The following CHD1 variants were observed in gnomAD, a reference collection of about 807,000 sequenced individuals.
CHD1 encodes the protein chromodomain helicase DNA binding protein 1, also known as ATP-dependent chromatin remodeler CHD1.
A neutral mutation model predicts 224.2 loss-of-function variants in CHD1; 36 were observed. The observed-to-expected ratio is 0.16, with a 90% confidence interval of 0.12 to 0.21. The LOEUF (loss-of-function observed/expected upper bound fraction) is 0.21. Among genes scored for constraint, CHD1 ranks in the 10% least tolerant of loss-of-function variants. The probability of loss-of-function intolerance (pLI) is 1.00; values close to 1 mark genes in which losing one functional copy is unlikely to be tolerated. For missense variants in CHD1, 1,378 were observed against 1,994.8 expected (o/e 0.69, Z 5.89); for synonymous variants, 668 against 658.3 (o/e 1.01, Z -0.23).
chr5:98,884,377 A>T (rs1750488198), intron 18 of CHD1, among the ~76,000 whole-genome samples: 1 of 151,928 alleles, frequency 6.6e-6, no homozygotes. Context: ...CCCAGCCTGG[A>T]GACTACTATT....
chr5:98,911,566 C>G (rs998070803), intron 2 of CHD1, among the ~76,000 whole-genome samples: 1 of 152,128 alleles, frequency 6.6e-6, no homozygotes, highest in Non-Finnish European at 1.5e-5. Flanking sequence ...TTAGAAATCA[C>G]AGTGGAGAAA....
At chr5:98,900,105 AC>A (rs1364366685) in intron 7 of CHD1, among the ~76,000 whole-genome samples, 1 of 151,842 alleles carries the variant, frequency 6.6e-6, no homozygotes, top group East Asian at 2.0e-4. Context: ...ACACGGTGAA[AC>A]CCCATCTCTG....
At chr5:98,876,603 T>G (rs1749780909) in intron 23 of CHD1, 45 bp from the exon 24 acceptor site, 1 of 1,540,516 alleles carries the variant, frequency 6.5e-7, no homozygotes, top group East Asian at 2.3e-5. Flanking sequence ...AAAAACAGCT[T>G]GTATCTTAAG....
At chr5:98,884,904 A>C (rs1348111737) in intron 18 of CHD1, among the ~76,000 whole-genome samples, 2 of 149,538 alleles carry the variant, frequency 1.3e-5, no homozygotes, top group Admixed American at 1.3e-4. Context: ...TTTTATTTTT[A>C]TTTTTTTTTG....
chr5:98,887,757 A>T (rs1750747640), intron 17 of CHD1, among the ~76,000 whole-genome samples: 1 of 152,168 alleles, frequency 6.6e-6, no homozygotes, highest in South Asian at 2.1e-4. Context: ...TTCAGATTGA[A>T]GACTAAAGGC....
rs975345844 is a variant in CHD1, at chr5:98,928,736, G to C, written c.-346C>G. 1 of 154,054 alleles carries C rather than the reference G, an allele frequency of 6.5e-6. No homozygotes were observed. The highest frequency in any genetic ancestry group is 1.5e-5 in the Non-Finnish European group (1 of 68,790). The allele number at this position is 154,054 out of a possible 1,614,324, so 9.5% of individuals were successfully genotyped here. ...GCAGCACCAACGCGCGATCCCCTGC[G>C]GAGTGGAGCTAACAATTCATTATTG... On this transcript the variant is annotated 5_prime_UTR_variant, in exon 1 of 36. Coordinates refer to ENST00000614616, the MANE Select transcript of CHD1 (RefSeq NM_001270.4).
intron 26 of CHD1, 123 bp from the exon 27 acceptor site, chr5:98,872,678 A>C: frequency 1.2e-6 from 1 of 828,232 alleles, no homozygotes; most frequent in Non-Finnish European, 1.9e-6. Flanking sequence ...TATATTATTA[A>C]GAGATTACTG....
At chr5:98,919,813 C>T (rs1752973036) in intron 2 of CHD1, among the ~76,000 whole-genome samples, 1 of 152,080 alleles carries the variant, frequency 6.6e-6, no homozygotes, top group African/African-American at 2.4e-5. Context: ...CATATATTAC[C>T]TAGCTCTGTC....
At chr5:98,871,629 G>C (rs988268073) in intron 28 of CHD1, among the ~76,000 whole-genome samples, 1 of 151,994 alleles carries the variant, frequency 6.6e-6, no homozygotes, top group Admixed American at 6.6e-5. Context: ...AGCTAGAAAA[G>C]AATCACTTAA....
At chr5:98,908,023 C>G (rs1056498583) in intron 2 of CHD1, among the ~76,000 whole-genome samples, 1 of 152,116 alleles carries the variant, frequency 6.6e-6, no homozygotes, top group Admixed American at 6.6e-5. Context: ...TGCAAATGCT[C>G]TTTCTAAAAT....
intron 13 of CHD1, among the ~76,000 whole-genome samples, chr5:98,893,887 A>AT (rs1277531393): frequency 2.6e-5 from 4 of 152,180 alleles, no homozygotes; most frequent in Admixed American, 2.6e-4. Flanking sequence ...GTCATTTAAA[A>AT]TTTTTACAAA....
At chr5:98,911,144 A>ATTAT (rs1321937045) in intron 2 of CHD1, among the ~76,000 whole-genome samples, 1 of 73,760 alleles carries the variant, frequency 1.4e-5, no homozygotes, top group Non-Finnish European at 2.6e-5. Context: ...AAAAAAAAAA[A>ATTAT]AAATATATAT....
chr5:98,895,764 C>T (rs910054478), intron 12 of CHD1, among the ~76,000 whole-genome samples: 16 of 149,940 alleles, frequency 1.1e-4, no homozygotes, highest in Non-Finnish European at 1.8e-4. Context: ...AAAAACCCAC[C>T]AAAAAAACAG....
chr5:98,905,297 G>A (rs1415909783), intron 2 of CHD1, among the ~76,000 whole-genome samples, 199 bp from the exon 3 acceptor site: 2 of 152,088 alleles, frequency 1.3e-5, no homozygotes, highest in African/African-American at 4.8e-5. Context: ...ATACGTGATA[G>A]ATTATTACAT....
intron 12 of CHD1, 40 bp downstream of exon 12, chr5:98,896,186 A>T (rs1364948424): frequency 6.6e-7 from 1 of 1,513,146 alleles, no homozygotes; most frequent in Non-Finnish European, 9.2e-7. Flanking sequence ...CTCAAAGACA[A>T]GTACATTTTG....
Position 98,875,154 on chromosome 5 carries a change from T to C in CHD1, c.3399-41A>G, listed in dbSNP as rs775050879. ...TGTTTGGTAAATGTGAGCTTCAGTA[T>C]TCACTAAAATTATACGTATTTCTGA... is the stretch of plus-strand genomic sequence containing the variant. On this transcript the variant is annotated intron_variant, in intron 24 of 35. Coordinates refer to ENST00000614616, the MANE Select transcript of CHD1 (RefSeq NM_001270.4). 14 of 1,155,574 alleles carry C rather than the reference T, an allele frequency of 1.2e-5. No homozygotes were observed. In the Admixed American group the frequency reaches 2.9e-4, roughly 24 times the overall value. The allele number at this position is 1,155,574 out of a possible 1,614,324, so 71.6% of individuals were successfully genotyped here. A position where few individuals can be genotyped will look rare whatever the true frequency, so the allele number is the denominator to read the frequency against.
chr5:98,904,899 C>G lies in CHD1; in HGVS notation c.253G>C (p.Glu85Gln), dbSNP rs374974874. 110 of 1,613,796 alleles carry G rather than the reference C, an allele frequency of 6.8e-5. No homozygotes were observed. Among genetic ancestry groups the G allele is most frequent in the Non-Finnish European group, 9.0e-5 (106 of 1,179,816 alleles). The change falls in exon 3 of 36, where the codon GAG becomes CAG. Residue 85 changes from glutamate (E) to glutamine (Q), a missense_variant and splice_region_variant. By Grantham distance (29) the Glu-to-Gln change is conservative (BLOSUM62 2). Around this residue, in one of 16 missense-constraint regions of CHD1, gnomAD observed 306 missense variants for 298.1 expected, o/e 1.03. Coordinates refer to ENST00000614616, the MANE Select transcript of CHD1 (RefSeq NM_001270.4). ...TCATTGGGTATTTTATTGATTACCT[C>G]AGCTCCATCAACTTTCGGTGGTTTT... Reference protein sequence around the residue: ...QAKPPKVDGAEFWKSSPSILA... With the variant: ...QAKPPKVDGAQFWKSSPSILA...
chr5:98,907,641 T>C (rs1752134595), intron 2 of CHD1, among the ~76,000 whole-genome samples: 1 of 150,296 alleles, frequency 6.7e-6, no homozygotes, highest in Middle Eastern at 3.2e-3. Flanking sequence ...TTTACTGCTA[T>C]AGAATGATCT....
At chr5:98,927,335 G>T (rs879424816) in intron 1 of CHD1, among the ~76,000 whole-genome samples, 6 of 152,132 alleles carry the variant, frequency 3.9e-5, no homozygotes, top group Non-Finnish European at 5.9e-5. Flanking sequence ...ATCTCTGGCA[G>T]GGGAGGGAGA....
Sources: allele counts gnomAD v4.1 joint callset (sites outside exome capture counted in the v4.1 genomes callset), GRCh38; gene constraint gnomAD v4.1.1; regional missense constraint gnomAD v4.1.1; transcripts MANE v1.5; gene names NCBI Gene and HGNC (gene_info 2026-07-23, HGNC 2026-07-21).